Variants in ZNF718 observed in about 807,000 individuals in gnomAD.
The protein encoded by ZNF718 is zinc finger protein 718.
Under a neutral mutation model 2.6 loss-of-function variants are expected in ZNF718, and 3 were observed. The ratio of observed to expected loss-of-function variants is 1.16; its 90% CI spans 0.53 to 3.01. The LOEUF (loss-of-function observed/expected upper bound fraction) is 3.01, where lower values mean the gene tolerates loss of function less well. Among genes scored for constraint, ZNF718 ranks in the 30% most tolerant of loss-of-function variants. ZNF718 has a pLI of 0.03. For synonymous variants in ZNF718, 135 were observed against 77.9 expected (o/e 1.73, Z -3.86); for missense variants, 468 against 230.0 (o/e 2.03, Z -6.69).
chr4:161,589 AAG>A lies in ZNF718; in HGVS notation c.908_909del (p.Arg303AsnfsTer25). 1.3e-6 allele frequency: 1 copy of A among 780,888 alleles called. No homozygotes were observed. The highest frequency in any genetic ancestry group is 2.4e-6 in the Non-Finnish European group (1 of 418,010). The allele number at this position is 780,888 out of a possible 1,614,324, so 48.4% of individuals were successfully genotyped here. ...GTGGTCCTCATCCCTTAATGAACAT[AAG>A]AGAATTCATGCTGGAGAGAAACCCT... ...FKWSSSLNEH[K>X]RIHAGEKPFS... On this transcript the variant is annotated frameshift_variant, in exon 4 of 4. Transcript: ENST00000510175. LOFTEE classifies it low-confidence loss of function (END_TRUNC).
chr4:190,868 G>A (rs573573195), intron 3 of ZNF718, among the ~76,000 whole-genome samples: 25 of 151,898 alleles, frequency 1.6e-4, no homozygotes, highest in East Asian at 5.9e-4. Context: ...GGGAAACCCC[G>A]TCTCTACTAA....
intron 3 of ZNF718, among the ~76,000 whole-genome samples, chr4:144,252 G>T (rs985437510): frequency 1.3e-5 from 2 of 152,178 alleles, no homozygotes; most frequent in East Asian, 3.9e-4. Flanking sequence ...TGTGTATTTT[G>T]TCCAATTCTT....
At chr4:164,213 A>T (rs1297536196), downstream of ZNF718, among the ~76,000 whole-genome samples, 2 of 152,072 alleles carry the variant, frequency 1.3e-5, no homozygotes, top group African/African-American at 4.8e-5. Flanking sequence ...ACAGACTTCT[A>T]GTTTTGATTT....
rs560070723 is a variant in ZNF718, at chr4:163,785, C to G, written c.*1663C>G. On this transcript the variant is annotated 3_prime_UTR_variant, in exon 4 of 4. Transcript: ENST00000510175. ...AGTTTAATGACATTTCTAGTAATTTCTTTTTCCAGTGGCTTTAAACAGCAA... is the reference window on the plus strand; with the variant it reads ...AGTTTAATGACATTTCTAGTAATTTGTTTTTCCAGTGGCTTTAAACAGCAA... 1 of 152,102 alleles carries G rather than the reference C, an allele frequency of 6.6e-6. No homozygotes were observed. Among genetic ancestry groups the G allele is most frequent in the African/African-American group, 2.4e-5 (1 of 41,522 alleles). 9.4% of individuals were successfully genotyped at this position (152,102 alleles called of 1,614,324 possible).
At chr4:191,217 C>A (rs191095782) in intron 3 of ZNF718, among the ~76,000 whole-genome samples, 1 of 139,990 alleles carries the variant, frequency 7.1e-6, no homozygotes, top group East Asian at 2.2e-4. Flanking sequence ...GGTGTCATCT[C>A]GGCTCACTGC....
chr4:170,384 A>G lies in ZNF718; in HGVS notation c.227-30697A>G, dbSNP rs1177167468. On this transcript the variant is annotated intron_variant and NMD_transcript_variant, in intron 3 of 4. Coordinates refer to the ZNF718 transcript ENST00000642529. ...GCGATCTCTGTATTTCCTGAATTTG[A>G]ATGTTGGCCTTCCTTGCTAGATTGG... Among the ~76,000 whole-genome samples the G allele has an allele frequency of 2.6e-5, 4 of 151,990 alleles. No homozygotes were observed. In the East Asian group the frequency reaches 7.7e-4, roughly 29 times the overall value.
At chr4:141,688 T>G (rs1715817951) in intron 3 of ZNF718, among the ~76,000 whole-genome samples, 1 of 152,202 alleles carries the variant, frequency 6.6e-6, no homozygotes, top group African/African-American at 2.4e-5. Context: ...TGTATGAGAT[T>G]TCTAAAATAG....
chr4:155,694 T>C (rs1716537492), intron 3 of ZNF718, among the ~76,000 whole-genome samples: 1 of 152,000 alleles, frequency 6.6e-6, no homozygotes, highest in Admixed American at 6.5e-5. Flanking sequence ...GGGACTTACT[T>C]TCTCTCAATG....
rs111894956 is a variant in ZNF718 at position 150,888 on chromosome 4, TTGTGTG to T, written c.227-10008_227-10003del. ...AACATATGACCCAACAATTTGAATT[TTGTGTG>T]TGTGTGTGTGTGTGTAGTCATCAAC... is the stretch of plus-strand genomic sequence containing the variant. On this transcript the variant is annotated intron_variant, in intron 3 of 3. Coordinates refer to ENST00000510175, the MANE Select transcript of ZNF718 (RefSeq NM_001039127.6). 6.8e-4 allele frequency among the ~76,000 whole-genome samples: 102 copies of T among 150,234 alleles called. No individual in the cohort carries two copies. In the South Asian group the frequency reaches 0.018, roughly 26 times the overall value.
chr4:157,059 A>T (rs1225108473), intron 3 of ZNF718, among the ~76,000 whole-genome samples: 1 of 150,210 alleles, frequency 6.7e-6, no homozygotes, highest in Non-Finnish European at 1.5e-5. Flanking sequence ...GATGCCTCCA[A>T]CATTGTTGTT....
chr4:157,936 T>C (rs1553814006), intron 3 of ZNF718, among the ~76,000 whole-genome samples: 1 of 152,154 alleles, frequency 6.6e-6, no homozygotes, highest in East Asian at 1.9e-4. Flanking sequence ...TATCAAAATA[T>C]CCTAGTATAA....
chr4:177,904 C>T (rs550237780), intron 3 of ZNF718, among the ~76,000 whole-genome samples: 30 of 152,062 alleles, frequency 2.0e-4, no homozygotes, highest in African/African-American at 6.5e-4. Context: ...AAAAAAAAGC[C>T]CCTGAGGGAG....
chr4:124,609 T>C lies in ZNF718; in HGVS notation c.-62T>C. The stretch of plus-strand genomic sequence containing the variant: ...GCCACAGCCTCAGCCTCTGTGGCTC[T>C]GTGACCTGCCGGTATTGGATGATTC... On this transcript the variant is annotated 5_prime_UTR_variant, in exon 1 of 4. Transcript: ENST00000510175. 1 of 1,600,406 alleles carries C rather than the reference T, an allele frequency of 6.2e-7. No individual in the cohort carries two copies. Among genetic ancestry groups the C allele is most frequent in the Non-Finnish European group, 8.5e-7 (1 of 1,177,542 alleles).
chr4:156,629 G>C (rs534450021), intron 3 of ZNF718, among the ~76,000 whole-genome samples: 1 of 152,202 alleles, frequency 6.6e-6, no homozygotes, highest in South Asian at 2.1e-4. Flanking sequence ...ATGTATTTCT[G>C]TTTTCTGGCG....
Position 149,861 on chromosome 4 carries a change from G to A in ZNF718, c.227-11051G>A, listed in dbSNP as rs543915057. 4 of 152,178 alleles carry A rather than the reference G, an allele frequency of 2.6e-5. No homozygotes were observed. In the South Asian group the frequency reaches 8.3e-4, roughly 32 times the overall value. 9.4% of individuals were successfully genotyped at this position (152,178 alleles called of 1,614,324 possible). A position where few individuals can be genotyped will look rare whatever the true frequency, so the allele number is the denominator to read the frequency against. Reference sequence around the variant, plus strand: ...TTTCTGAGGAATGTAACCTTTTTAAGTAGGTGTAAATAATAGTTATAAAAA... The same window carrying A: ...TTTCTGAGGAATGTAACCTTTTTAAATAGGTGTAAATAATAGTTATAAAAA... On this transcript the variant is annotated intron_variant, in intron 3 of 3. Coordinates refer to ENST00000510175, the MANE Select transcript of ZNF718 (RefSeq NM_001039127.6).
At chr4:125,471 T>A (rs1210488091) in intron 1 of ZNF718, among the ~76,000 whole-genome samples, 4 of 152,054 alleles carry the variant, frequency 2.6e-5, no homozygotes, top group Admixed American at 1.3e-4. Flanking sequence ...GGTGGTGTCG[T>A]TAGTGAGTTG....
intron 3 of ZNF718, among the ~76,000 whole-genome samples, chr4:147,581 C>T (rs545697835): frequency 6.6e-6 from 1 of 151,858 alleles, no homozygotes; most frequent in East Asian, 1.9e-4. Context: ...AGATGTTGAT[C>T]AATATGACTA....
At chr4:196,807 G>A (rs192720972) in intron 3 of ZNF718, among the ~76,000 whole-genome samples, 1 of 152,136 alleles carries the variant, frequency 6.6e-6, no homozygotes, top group Non-Finnish European at 1.5e-5. Context: ...TGACACCTGA[G>A]TCTTTAGTCT....
In ZNF718 at chr4:161,319, T is replaced by C; in HGVS notation, c.634T>C (p.Ser212Pro). 1.3e-6 allele frequency: 1 copy of C among 780,950 alleles called. No individual in the cohort carries two copies. The highest frequency in any genetic ancestry group is 2.4e-6 in the Non-Finnish European group (1 of 418,466). 48.4% of individuals were successfully genotyped at this position (780,950 alleles called of 1,614,324 possible). ...EECGKAFNWSSILTKHKRIHA... is the reference protein window; with the variant it reads ...EECGKAFNWSPILTKHKRIHA... ...ATGTGGCAAAGCCTTTAATTGGTCC[T>C]CAATTCTTACTAAACATAAGAGAAT... The change falls in exon 4 of 4, where the codon TCA becomes CCA. Residue 212 changes from serine to proline, a missense_variant. Coordinates refer to ENST00000510175, the MANE Select transcript of ZNF718 (RefSeq NM_001039127.6).
Sources: allele counts gnomAD v4.1 joint callset (sites outside exome capture counted in the v4.1 genomes callset), GRCh38; gene constraint gnomAD v4.1.1; transcripts MANE v1.5; gene names NCBI Gene and HGNC (gene_info 2026-07-23, HGNC 2026-07-21).